LRBA: variants seen among roughly 807,000 people sequenced by gnomAD.
The protein encoded by LRBA is lipopolysaccharide-responsive and beige-like anchor protein.
LRBA carries 176 observed loss-of-function variants against 330.0 expected under a neutral mutation model. The observed-to-expected ratio is 0.53, with a 90% CI of 0.47 to 0.60. The LOEUF (loss-of-function observed/expected upper bound fraction) is 0.60. Ranked by LOEUF, LRBA falls within the 20% of genes least tolerant of loss-of-function variation. LRBA has a pLI of 0.00. For missense variants in LRBA, 3,259 were observed against 3,444.8 expected (o/e 0.95, Z 1.35); for synonymous variants, 1,230 against 1,193.0 (o/e 1.03, Z -0.64).
intron 36 of LRBA, among the ~76,000 whole-genome samples, chr4:150,722,757 G>A (rs1214155877): frequency 6.6e-6 from 1 of 151,834 alleles, no homozygotes; most frequent in Non-Finnish European, 1.5e-5. Context: ...AATCAGGTGA[G>A]CGATCACAGT....
chr4:150,268,168 C>A (rs7686693), intron 56 of LRBA, among the ~76,000 whole-genome samples: 39,510 of 151,696 alleles, frequency 0.26, 5,356 homozygotes, highest in Non-Finnish European at 0.3. Context: ...CAACTGTATA[C>A]CAACAAATAG....
At chr4:150,903,487 C>A (rs1466805675) in intron 13 of LRBA, among the ~76,000 whole-genome samples, 9 of 152,040 alleles carry the variant, frequency 5.9e-5, no homozygotes, top group Non-Finnish European at 1.3e-4. Flanking sequence ...CCTGTGATCC[C>A]AGCACTCTTG....
intron 4 of LRBA, among the ~76,000 whole-genome samples, chr4:150,928,306 T>C (rs1200893618): frequency 6.6e-6 from 1 of 152,206 alleles, no homozygotes; most frequent in East Asian, 1.9e-4. Context: ...AGAATTAAAT[T>C]ACCAGTTTGC....
chr4:150,827,833 C>G (rs1746497329), intron 30 of LRBA, among the ~76,000 whole-genome samples: 1 of 152,034 alleles, frequency 6.6e-6, no homozygotes, highest in Non-Finnish European at 1.5e-5. Flanking sequence ...AACTCCTGAC[C>G]TCAGGTGATC....
At chr4:150,861,601 G>C (rs1256525903) in intron 22 of LRBA, among the ~76,000 whole-genome samples, 1 of 152,166 alleles carries the variant, frequency 6.6e-6, no homozygotes, top group Non-Finnish European at 1.5e-5. Context: ...AGTAAGTGGT[G>C]AGTAAATGTG....
intron 32 of LRBA, 54 bp from the exon 33 acceptor site, chr4:150,806,458 C>CAAAACAGA: frequency 7.9e-7 from 1 of 1,261,978 alleles, no homozygotes; most frequent in Non-Finnish European, 1.1e-6. Flanking sequence ...TATCAATTTT[C>CAAAACAGA]TAGTTTTGAA....
intron 13 of LRBA, among the ~76,000 whole-genome samples, chr4:150,900,458 T>A (rs1234279452): frequency 6.6e-6 from 1 of 152,220 alleles, no homozygotes; most frequent in African/African-American, 2.4e-5. Context: ...ATATGGAAAC[T>A]TTTTGCTGCA....
At chr4:150,943,913 T>C (rs879420992) in intron 2 of LRBA, among the ~76,000 whole-genome samples, 8 of 152,092 alleles carry the variant, frequency 5.3e-5, no homozygotes, top group Admixed American at 5.2e-4. Context: ...CATCATTCAT[T>C]CTAAGGAAAA....
intron 40 of LRBA, among the ~76,000 whole-genome samples, chr4:150,554,651 A>T (rs565654998): frequency 3.3e-5 from 5 of 152,252 alleles, no homozygotes; most frequent in Admixed American, 2.0e-4. Context: ...AAGCTTCATC[A>T]ATATATATTA....
At chr4:150,512,129 C>A (rs1418921759) in intron 40 of LRBA, among the ~76,000 whole-genome samples, 1 of 152,196 alleles carries the variant, frequency 6.6e-6, no homozygotes, top group Non-Finnish European at 1.5e-5. Context: ...ATCTTCCACT[C>A]CATGTTTCTA....
chr4:150,458,023 C>T (rs560097068), intron 44 of LRBA, among the ~76,000 whole-genome samples: 1 of 151,986 alleles, frequency 6.6e-6, no homozygotes, highest in East Asian at 1.9e-4. Context: ...TAACCACAAT[C>T]CATTTCAGTT....
Position 150,893,122 on chromosome 4 carries a change from G to A in LRBA, c.2095C>T (p.Leu699=). The change falls in exon 17 of 57, where the codon CTG becomes TTG. Residue 699 remains leucine, a synonymous_variant. Coordinates refer to ENST00000651943, the MANE Select transcript of LRBA (RefSeq NM_001364905.1). ...EDDNLMDVLQ[L]LVALMSEHPN... is the part of the protein sequence containing the mutation. ...TGTTCTGACATTAATGCAACAAGCAGCTGTAGGACATCCATTAGATTGTCA... is the reference window on the plus strand; with the variant it reads ...TGTTCTGACATTAATGCAACAAGCAACTGTAGGACATCCATTAGATTGTCA... 6.2e-7 allele frequency: 1 copy of A among 1,610,828 alleles called. No homozygotes were observed. The highest frequency in any genetic ancestry group is 1.3e-5 in the African/African-American group (1 of 74,926).
intron 15 of LRBA, 64 bp downstream of exon 15, chr4:150,897,675 T>C (rs1730244562): frequency 8.8e-7 from 1 of 1,130,560 alleles, no homozygotes. Context: ...ACCAAGATTG[T>C]ATTTCATGTG....
intron 5 of LRBA, among the ~76,000 whole-genome samples, chr4:150,918,636 G>A (rs563377764): frequency 2.1e-4 from 32 of 152,290 alleles, no homozygotes; most frequent in African/African-American, 7.5e-4. Context: ...TGTAATCCCA[G>A]CTACTCAGGA....
At chr4:150,638,464 C>A (rs1237109449) in intron 37 of LRBA, among the ~76,000 whole-genome samples, 1 of 152,144 alleles carries the variant, frequency 6.6e-6, no homozygotes, top group African/African-American at 2.4e-5. Context: ...TTATGAGGGA[C>A]CTCATTTACT....
intron 3 of LRBA, 109 bp from the exon 4 acceptor site, chr4:150,928,725 C>T (rs1019896110): frequency 8.1e-7 from 1 of 1,238,930 alleles, no homozygotes; most frequent in Non-Finnish European, 1.2e-6. Flanking sequence ...TAGGTGCATG[C>T]TACATGCTCA....
chr4:150,846,049 C>T lies in LRBA; in HGVS notation c.4340-1270G>A, dbSNP rs139407619. 5.3e-3 allele frequency among the ~76,000 whole-genome samples: 812 copies of T among 152,112 alleles called. 2 individuals are homozygous for T. The highest frequency in any genetic ancestry group is 8.3e-3 in the Non-Finnish European group (561 of 68,000). On this transcript the variant is annotated intron_variant, in intron 26 of 56. Transcript: ENST00000651943. ...AGATAAAGAAACTGTGGTACATATA[C>T]GCAATGAAATAATATTCAGCCGTAA... is the stretch of plus-strand genomic sequence containing the variant.
intron 37 of LRBA, among the ~76,000 whole-genome samples, chr4:150,643,818 G>C (rs1392725967): frequency 6.6e-6 from 1 of 151,970 alleles, no homozygotes; most frequent in Admixed American, 6.6e-5. Flanking sequence ...ATTTCATGAT[G>C]TGAAAATTAT....
intron 34 of LRBA, among the ~76,000 whole-genome samples, chr4:150,766,050 A>T (rs1735721502): frequency 6.6e-6 from 1 of 152,098 alleles, no homozygotes; most frequent in African/African-American, 2.4e-5. Flanking sequence ...GGAGGCTCAG[A>T]AACTCAAATT....
Sources: allele counts gnomAD v4.1 joint callset (sites outside exome capture counted in the v4.1 genomes callset), GRCh38; gene constraint gnomAD v4.1.1; transcripts MANE v1.5; gene names NCBI Gene and HGNC (gene_info 2026-07-23, HGNC 2026-07-21).